The following UBE2L3 variants were observed in gnomAD, a reference collection of about 807,000 sequenced individuals.
The protein encoded by UBE2L3 is ubiquitin-conjugating enzyme E2 L3.
A neutral mutation model predicts 17.8 loss-of-function variants in UBE2L3; 1 was observed. The observed-to-expected ratio is 0.06, with a 90% CI of 0.02 to 0.27. UBE2L3 has a LOEUF of 0.27. Ranked by LOEUF, UBE2L3 falls within the 10% of genes least tolerant of loss-of-function variation. The pLI is 1.00. For missense variants in UBE2L3, 40 were observed against 192.6 expected (o/e 0.21, Z 4.69); for synonymous variants, 44 against 68.5 (o/e 0.64, Z 1.76).
intron 2 of UBE2L3, among the ~76,000 whole-genome samples, chr22:21,600,507 C>T (rs887252569): frequency 1.3e-5 from 2 of 152,062 alleles, no homozygotes; most frequent in African/African-American, 2.4e-5. Flanking sequence ...ACCAGCCTGG[C>T]CAACATGGCA....
chr22:21,592,573 G>A (rs895242640), intron 1 of UBE2L3, among the ~76,000 whole-genome samples: 1 of 152,186 alleles, frequency 6.6e-6, no homozygotes, highest in Non-Finnish European at 1.5e-5. Flanking sequence ...ACCCAAAGAG[G>A]AGGTGGTACG....
chr22:21,563,579 C>CTTTTT (rs536786477), upstream of UBE2L3, among the ~76,000 whole-genome samples: 1 of 133,582 alleles, frequency 7.5e-6, no homozygotes, highest in Non-Finnish European at 1.6e-5. Flanking sequence ...AAAATTAATA[C>CTTTTT]TTTTTTTTTT....
chr22:21,588,111 C>T (rs1928046380), intron 1 of UBE2L3, among the ~76,000 whole-genome samples: 1 of 152,220 alleles, frequency 6.6e-6, no homozygotes, highest in Non-Finnish European at 1.5e-5. Flanking sequence ...TGGGTTGCTT[C>T]TTGCTCTGAG....
At chr22:21,590,316 G>A (rs186946905) in intron 1 of UBE2L3, among the ~76,000 whole-genome samples, 2 of 152,268 alleles carry the variant, frequency 1.3e-5, no homozygotes, top group Non-Finnish European at 2.9e-5. Flanking sequence ...TCCTGCCTCA[G>A]CCTCCCGAGT....
intron 2 of UBE2L3, 96 bp downstream of exon 2, chr22:21,593,052 T>A (rs1454812886): frequency 9.5e-7 from 1 of 1,054,838 alleles, no homozygotes; most frequent in Non-Finnish European, 1.5e-6. Context: ...AGGCTCTTAG[T>A]CTAGGCAGCC....
intron 1 of UBE2L3, among the ~76,000 whole-genome samples, chr22:21,571,104 G>A (rs188202601): frequency 4.9e-4 from 74 of 152,184 alleles, no homozygotes; most frequent in African/African-American, 1.8e-3. Flanking sequence ...AGCCTTTTTA[G>A]GAATTACAGT....
intron 1 of UBE2L3, among the ~76,000 whole-genome samples, chr22:21,580,152 A>G (rs1007427515): frequency 6.6e-6 from 1 of 152,236 alleles, no homozygotes; most frequent in African/African-American, 2.4e-5. Flanking sequence ...GTCCGTTTCT[A>G]ATGGGAGCAT....
rs1929157964 is a variant in UBE2L3 at position 21,606,303 on chromosome 22, C to CGTGTGTGTGGT, written c.124-4553_124-4543dup. On this transcript the variant is annotated intron_variant, in intron 2 of 3. Coordinates refer to ENST00000342192, the MANE Select transcript of UBE2L3 (RefSeq NM_003347.4). ...TCATGCAGGAAAGTGTGCGCGCGCG[C>CGTGTGTGTGGT]GTGTGTGTGGTATGTGTGTGTGTGT... is the stretch of plus-strand genomic sequence containing the variant. Among the ~76,000 whole-genome samples the CGTGTGTGTGGT allele has an allele frequency of 2.3e-5, 3 of 132,902 alleles. No homozygotes were observed. In the South Asian group the frequency reaches 8.1e-4, roughly 36 times the overall value. 87.2% of individuals were successfully genotyped at this position (132,902 alleles called of 152,430 possible). A position where few individuals can be genotyped will look rare whatever the true frequency, so the allele number is the denominator to read the frequency against.
chr22:21,602,711 A>G (rs1021811195), intron 2 of UBE2L3, among the ~76,000 whole-genome samples: 10 of 152,212 alleles, frequency 6.6e-5, no homozygotes, highest in Non-Finnish European at 1.5e-5. Flanking sequence ...GTTGATATCA[A>G]GAGCTGTGAA....
chr22:21,605,648 G>A (rs929084570), intron 2 of UBE2L3, among the ~76,000 whole-genome samples: 4 of 152,178 alleles, frequency 2.6e-5, no homozygotes, highest in Non-Finnish European at 5.9e-5. Context: ...TGGGATTACA[G>A]GCATGTGCCA....
chr22:21,567,459 G>T, upstream of UBE2L3: 1 of 497,002 alleles, frequency 2.0e-6, no homozygotes, highest in South Asian at 3.7e-5. Flanking sequence ...CCCCGCGCCT[G>T]GTCAACTATT....
At chr22:21,590,426 G>C (rs1010061574) in intron 1 of UBE2L3, among the ~76,000 whole-genome samples, 5 of 152,174 alleles carry the variant, frequency 3.3e-5, no homozygotes, top group Admixed American at 6.5e-5. Flanking sequence ...TCGAACTCCT[G>C]ACCTCAGGTG....
intron 1 of UBE2L3, among the ~76,000 whole-genome samples, chr22:21,569,408 A>G (rs1926836344): frequency 6.6e-6 from 1 of 150,386 alleles, no homozygotes; most frequent in African/African-American, 2.5e-5. Context: ...AAAAAAAAAA[A>G]AAAAAAAGAT....
intron 3 of UBE2L3, among the ~76,000 whole-genome samples, chr22:21,611,289 A>G (rs545430055): frequency 6.6e-6 from 1 of 152,304 alleles, no homozygotes; most frequent in East Asian, 1.9e-4. Flanking sequence ...ACACACATGG[A>G]CAGACAAGCC....
chr22:21,613,519 ATTGT>A (rs1929611167), intron 3 of UBE2L3, among the ~76,000 whole-genome samples: 2 of 152,162 alleles, frequency 1.3e-5, no homozygotes, highest in South Asian at 2.1e-4. Flanking sequence ...TATTATGTAG[ATTGT>A]TTGTGGCATG....
upstream of UBE2L3, among the ~76,000 whole-genome samples, chr22:21,563,679 C>T (rs1257421273): frequency 2.7e-5 from 4 of 148,624 alleles, no homozygotes; most frequent in Admixed American, 6.7e-5. Flanking sequence ...CGGGTTCGAG[C>T]GATTCTCCCG....
In UBE2L3 at chr22:21,573,354, C is replaced by G. The variant is rs113421126; in HGVS notation, c.27+5583C>G. Among the ~76,000 whole-genome samples the G allele has an allele frequency of 6.6e-5, 10 of 152,266 alleles. 2 individuals are homozygous for G. Among genetic ancestry groups the G allele is most frequent in the African/African-American group, 2.4e-4 (10 of 41,574 alleles). ...TCCCCTAAAAACAGCATGCTTTGCA[C>G]ACACACTCTGGATCTCGTGATTGGC... On this transcript the variant is annotated intron_variant, in intron 1 of 3. Transcript: ENST00000342192.
intron 1 of UBE2L3, among the ~76,000 whole-genome samples, chr22:21,577,121 A>C (rs1399299994): frequency 6.6e-6 from 1 of 151,878 alleles, no homozygotes; most frequent in Non-Finnish European, 1.5e-5. Flanking sequence ...GGCGCTCGCC[A>C]CTACACCCAG....
chr22:21,567,649 GCCCCGCGGCCCCTC>G, upstream of UBE2L3: 1 of 1,546,306 alleles, frequency 6.5e-7, no homozygotes, highest in Non-Finnish European at 8.7e-7. Flanking sequence ...CCTGTGCCCC[GCCCCGCGGCCCCTC>G]CCCCGCTCCA....
Sources: gnomAD v4.1 joint callset for allele counts (sites outside exome capture counted in the v4.1 genomes callset) on GRCh38, gnomAD v4.1.1 for gene constraint, MANE v1.5 for transcripts, NCBI Gene and HGNC (gene_info 2026-07-23, HGNC 2026-07-21) for gene names.